The following SLC22A25 variants were observed in gnomAD, a reference collection of about 807,000 sequenced individuals.
SLC22A25 encodes the protein solute carrier family 22 member 25, also known as MGI:2442751, MGI:2385316, MGI:3042283, MGI:3645714, MGI:3605624, MGI:2442750.
Under a neutral mutation model 45.9 loss-of-function variants are expected in SLC22A25, and 44 were observed. The ratio of observed to expected loss-of-function variants is 0.96; its 90% confidence interval spans 0.75 to 1.23. SLC22A25 has a LOEUF of 1.23. SLC22A25 is among the 50% of genes most tolerant of loss of function. The pLI, the probability that SLC22A25 is intolerant of heterozygous loss-of-function variation, is 0.00. For synonymous variants in SLC22A25, 283 were observed against 238.6 expected, an observed-to-expected ratio of 1.19 and a Z score of -1.72; for missense variants, 800 against 666.4, an observed-to-expected ratio of 1.20 and a Z score of -2.21.
chr11:63,166,206 C>T lies in SLC22A25; in HGVS notation c.1123G>A (p.Gly375Arg). 1 of 1,613,936 alleles carries T rather than the reference C, an allele frequency of 6.2e-7. No individual in the cohort carries two copies. The highest frequency in any genetic ancestry group is 8.5e-7 in the Non-Finnish European group (1 of 1,179,924). The change falls in exon 10 of 12, where the codon GGA becomes AGA. Residue 375 changes from glycine to arginine, a missense_variant. Gly to Arg is a moderately radical substitution (Grantham distance 125). Coordinates refer to ENST00000306494, the MANE Select transcript of SLC22A25 (RefSeq NM_199352.6). ...GTCTGCAACAGGAAAACATTGTTTC[C>T]CAGATGCTGGAGGTGCAAAGTAAGG... Reference protein sequence around the residue: ...WGLTLHLQHLGNNVFLLQTLF... With the variant: ...WGLTLHLQHLRNNVFLLQTLF...
At chr11:63,232,678 G>A (rs1332546839) in intron 3 of SLC22A25, among the ~76,000 whole-genome samples, 4 of 152,260 alleles carry the variant, frequency 2.6e-5, no homozygotes, top group South Asian at 2.1e-4. Flanking sequence ...ATGTTGAATA[G>A]GAGTGGTGAG....
At chr11:63,184,567 AT>A (rs1208751387) in intron 7 of SLC22A25, among the ~76,000 whole-genome samples, 3 of 152,106 alleles carry the variant, frequency 2.0e-5, no homozygotes, top group African/African-American at 4.8e-5. Flanking sequence ...CAAGATGTAA[AT>A]TGTTCGTTTT....
chr11:63,191,712 A>G (rs1053918491), intron 7 of SLC22A25, among the ~76,000 whole-genome samples: 8 of 152,134 alleles, frequency 5.3e-5, no homozygotes, highest in Non-Finnish European at 1.2e-4. Flanking sequence ...CAAATATTAA[A>G]AGCAGAATAA....
At chr11:63,217,013 A>C (rs1262961040) in intron 7 of SLC22A25, among the ~76,000 whole-genome samples, 1 of 152,224 alleles carries the variant, frequency 6.6e-6, no homozygotes, top group Non-Finnish European at 1.5e-5. Context: ...AAAATACTGA[A>C]TATTTGGGTG....
At chr11:63,183,923 T>G in intron 7 of SLC22A25, 106 bp from the exon 8 acceptor site, 1 of 1,475,210 alleles carries the variant, frequency 6.8e-7, no homozygotes, top group Non-Finnish European at 9.3e-7. Flanking sequence ...ACCCACCTCT[T>G]GTTTGGTTAT....
At chr11:63,173,027 A>G (rs916803636) in intron 9 of SLC22A25, among the ~76,000 whole-genome samples, 8 of 152,166 alleles carry the variant, frequency 5.3e-5, no homozygotes, top group Non-Finnish European at 8.8e-5. Context: ...AGCATGGAAT[A>G]CTATGCAGCC....
intron 7 of SLC22A25, among the ~76,000 whole-genome samples, chr11:63,193,210 G>T (rs1352583552): frequency 6.6e-6 from 1 of 152,142 alleles, no homozygotes; most frequent in Non-Finnish European, 1.5e-5. Flanking sequence ...AACAGCTCCA[G>T]TCTACACCTC....
intron 11 of SLC22A25, 27 bp downstream of exon 11, chr11:63,164,499 T>G: frequency 6.3e-7 from 1 of 1,583,366 alleles, no homozygotes; most frequent in South Asian, 1.1e-5. Flanking sequence ...ATTTTGAGAA[T>G]GACAGAGCAC....
rs140505751 is a variant in SLC22A25, at chr11:63,204,679, C to A, written c.830+12635G>T. 4.7e-3 allele frequency among the ~76,000 whole-genome samples: 712 copies of A among 152,258 alleles called. 8 individuals carry two copies. The highest frequency in any genetic ancestry group is 0.016 in the African/African-American group (667 of 41,528). ...CATAAAGCAAGTTCTTAGAGACCTACAAAGAGACTTAGACTCCCACACTAT... is the reference window on the plus strand; with the variant it reads ...CATAAAGCAAGTTCTTAGAGACCTAAAAAGAGACTTAGACTCCCACACTAT... On this transcript the variant is annotated intron_variant, in intron 7 of 11. Transcript: ENST00000306494.
rs770335033 is a variant in SLC22A25, at chr11:63,158,938, C to A, written c.*4886G>T. Among the ~76,000 whole-genome samples the A allele has an allele frequency of 1.3e-5, 2 of 152,286 alleles. No individual in the cohort carries two copies. The highest frequency in any genetic ancestry group is 4.8e-5 in the African/African-American group (2 of 41,560). ...TTCTCAGCCTCTGGTAATCATCCTTCTCTCTCTATGTCTATGAGTTCAATT... is the reference window on the plus strand; with the variant it reads ...TTCTCAGCCTCTGGTAATCATCCTTATCTCTCTATGTCTATGAGTTCAATT... On this transcript the variant is annotated 3_prime_UTR_variant, in exon 12 of 12. Transcript: ENST00000306494.
intron 8 of SLC22A25, 32 bp from the exon 9 acceptor site, chr11:63,180,807 A>C (rs2088292473): frequency 1.3e-6 from 2 of 1,519,826 alleles, no homozygotes; most frequent in African/African-American, 2.7e-5. Context: ...TAAACTGTTC[A>C]GTTGTCACAA....
chr11:63,191,246 G>C (rs893551806), intron 7 of SLC22A25, among the ~76,000 whole-genome samples: 1 of 152,188 alleles, frequency 6.6e-6, no homozygotes, highest in Non-Finnish European at 1.5e-5. Flanking sequence ...CTTGGCAATG[G>C]TGGGTGCCCC....
chr11:63,219,347 C>T (rs1337520726), intron 5 of SLC22A25, among the ~76,000 whole-genome samples: 3 of 152,160 alleles, frequency 2.0e-5, no homozygotes, highest in Non-Finnish European at 4.4e-5. Flanking sequence ...AGAGAATCAC[C>T]TTTCTGACTC....
intron 9 of SLC22A25, among the ~76,000 whole-genome samples, chr11:63,173,987 G>T (rs1224155734): frequency 6.6e-6 from 1 of 151,192 alleles, no homozygotes; most frequent in African/African-American, 2.4e-5. Flanking sequence ...GTGCCATGGT[G>T]GTTTGCTGCA....
chr11:63,207,734 G>C (rs2089444994), intron 7 of SLC22A25, among the ~76,000 whole-genome samples: 1 of 152,152 alleles, frequency 6.6e-6, no homozygotes, highest in Non-Finnish European at 1.5e-5. Context: ...TTCTTTCCTA[G>C]GCATTGTGAA....
At position 63,163,035 on chromosome 11, in the gene SLC22A25, G is replaced by A. The variant is rs996516631; in HGVS notation, c.*789C>T. ...TGAAAGACATGGACTAAACATATAA[G>A]TCCTGCATTCTTTAGGACATACTGA... On this transcript the variant is annotated 3_prime_UTR_variant, in exon 12 of 12. Coordinates refer to ENST00000306494, the MANE Select transcript of SLC22A25 (RefSeq NM_199352.6). Among the ~76,000 whole-genome samples the A allele has an allele frequency of 2.6e-5, 4 of 152,094 alleles. No individual in the cohort carries two copies. The highest frequency in any genetic ancestry group is 9.7e-5 in the African/African-American group (4 of 41,406).
intron 3 of SLC22A25, among the ~76,000 whole-genome samples, chr11:63,232,374 T>G (rs2090085705): frequency 6.6e-6 from 1 of 152,178 alleles, no homozygotes. Flanking sequence ...GATTCCTAGG[T>G]ATTTTATTCT....
At chr11:63,240,275 T>A (rs539380506) in intron 1 of SLC22A25, among the ~76,000 whole-genome samples, 9 of 152,178 alleles carry the variant, frequency 5.9e-5, no homozygotes, top group African/African-American at 1.7e-4. Flanking sequence ...TCTGGGTGAG[T>A]CAGTGTGTGA....
chr11:63,189,191 T>A (rs556146286), intron 7 of SLC22A25, among the ~76,000 whole-genome samples: 1 of 152,312 alleles, frequency 6.6e-6, no homozygotes, highest in Admixed American at 6.5e-5. Context: ...AGTCTCTTCC[T>A]AGGTCTCTAA....
Sources: gnomAD v4.1 joint callset for allele counts (sites outside exome capture counted in the v4.1 genomes callset) on GRCh38, gnomAD v4.1.1 for gene constraint, MANE v1.5 for transcripts, NCBI Gene and HGNC (gene_info 2026-07-23, HGNC 2026-07-21) for gene names.